The following GRIP1 variants were observed in gnomAD, a reference collection of about 807,000 sequenced individuals.
GRIP1 encodes glutamate receptor-interacting protein 1.
A neutral mutation model predicts 129.9 loss-of-function variants in GRIP1; 45 were observed. The ratio of observed to expected loss-of-function variants is 0.35; its 90% CI spans 0.27 to 0.44. The LOEUF (loss-of-function observed/expected upper bound fraction) is 0.44, where lower values mean the gene tolerates loss of function less well. Ranked by LOEUF, GRIP1 falls within the 20% of genes least tolerant of loss-of-function variation. GRIP1 has a pLI of 1.00. For missense variants in GRIP1, 1,196 were observed against 1,396.8 expected, an observed-to-expected ratio of 0.86 and a Z score of 2.29; for synonymous variants, 530 against 520.8, an observed-to-expected ratio of 1.02 and a Z score of -0.24.
chr12:66,444,825 A>T, intron 12 of GRIP1, 96 bp from the exon 13 acceptor site: 1 of 1,321,650 alleles, frequency 7.6e-7, no homozygotes, highest in Admixed American at 1.7e-5. Flanking sequence ...GCAAAATAGC[A>T]TCATAATTTG....
chr12:66,704,559 G>A (rs1428100915), intron 1 of GRIP1, among the ~76,000 whole-genome samples: 1 of 152,024 alleles, frequency 6.6e-6, no homozygotes, highest in Non-Finnish European at 1.5e-5. Flanking sequence ...ACAGAATTGT[G>A]AAACAGAACA....
Position 66,455,401 on chromosome 12 carries a change from TC to T in GRIP1, c.1354+7del, listed in dbSNP as rs773505238. On this transcript the variant is annotated splice_region_variant and intron_variant, in intron 11 of 24. Coordinates refer to ENST00000359742, the MANE Select transcript of GRIP1 (RefSeq NM_001366722.1). The stretch of plus-strand genomic sequence containing the variant: ...AGGCCAAATGCCATTGGCTGTCATT[TC>T]ACTTACATGAGCTTTTGAAGTCTTT... 1 of 1,613,966 alleles carries T rather than the reference TC, an allele frequency of 6.2e-7. No homozygotes were observed. Among genetic ancestry groups the T allele is most frequent in the Admixed American group, 1.7e-5 (1 of 60,038 alleles).
chr12:66,454,580 CTTTT>C (rs1295975619), intron 11 of GRIP1, among the ~76,000 whole-genome samples: 1 of 152,144 alleles, frequency 6.6e-6, no homozygotes, highest in African/African-American at 2.4e-5. Context: ...ATATTTCTTT[CTTTT>C]TAAGGCATTC....
At chr12:66,748,135 C>T (rs550942159) in intron 1 of GRIP1, among the ~76,000 whole-genome samples, 1 of 152,208 alleles carries the variant, frequency 6.6e-6, no homozygotes, top group Admixed American at 6.5e-5. Context: ...TCTCCTGCCT[C>T]AGCCTCCCAA....
intron 4 of GRIP1, among the ~76,000 whole-genome samples, chr12:66,534,140 T>C (rs2061542249): frequency 6.6e-6 from 1 of 152,216 alleles, no homozygotes; most frequent in Non-Finnish European, 1.5e-5. Flanking sequence ...TCAAATATAG[T>C]AGAAAGAGAC....
chr12:66,972,939 G>A (rs2137582234), intron 1 of GRIP1, among the ~76,000 whole-genome samples: 1 of 152,290 alleles, frequency 6.6e-6, no homozygotes, highest in South Asian at 2.1e-4. Flanking sequence ...AGGGTCCGGG[G>A]TGAAAAGAGA....
At chr12:66,777,360 T>A (rs1011759356) in intron 1 of GRIP1, among the ~76,000 whole-genome samples, 3 of 152,250 alleles carry the variant, frequency 2.0e-5, no homozygotes, top group Admixed American at 1.3e-4. Flanking sequence ...GATTCACCTG[T>A]AACTAACCCC....
chr12:66,818,687 G>A (rs1389673219), intron 1 of GRIP1, among the ~76,000 whole-genome samples: 2 of 152,244 alleles, frequency 1.3e-5, no homozygotes, highest in East Asian at 1.9e-4. Flanking sequence ...GCATTCATAG[G>A]TGAAATCTGC....
At chr12:66,480,537 T>A (rs936844967) in intron 7 of GRIP1, among the ~76,000 whole-genome samples, 3 of 152,218 alleles carry the variant, frequency 2.0e-5, no homozygotes, top group Admixed American at 2.0e-4. Flanking sequence ...CCACTGACTT[T>A]CTTCACAGAA....
At chr12:66,450,920 G>A (rs2058774566) in intron 11 of GRIP1, among the ~76,000 whole-genome samples, 1 of 152,196 alleles carries the variant, frequency 6.6e-6, no homozygotes, top group African/African-American at 2.4e-5. Context: ...CAAAGTAAAT[G>A]AAGGTGAATA....
At chr12:66,767,972 T>G (rs2037698868) in intron 1 of GRIP1, among the ~76,000 whole-genome samples, 1 of 152,208 alleles carries the variant, frequency 6.6e-6, no homozygotes, top group Non-Finnish European at 1.5e-5. Context: ...GCAATTCCTG[T>G]CAAATGTGTA....
At chr12:66,810,148 G>T (rs11176430) in intron 1 of GRIP1, among the ~76,000 whole-genome samples, 48,105 of 152,020 alleles carry the variant, frequency 0.32, 8,173 homozygotes, top group South Asian at 0.4. Flanking sequence ...TAGACAGGTA[G>T]ATATCAGAAT....
At chr12:66,435,201 C>CTT (rs757289466) in intron 13 of GRIP1, among the ~76,000 whole-genome samples, 5 of 78,326 alleles carry the variant, frequency 6.4e-5, no homozygotes, top group Non-Finnish European at 2.6e-5. Flanking sequence ...AACGTGTGAC[C>CTT]ATTTTTTTTT....
At chr12:67,034,229 T>A (rs912513116) in intron 1 of GRIP1, among the ~76,000 whole-genome samples, 3 of 152,146 alleles carry the variant, frequency 2.0e-5, no homozygotes, top group African/African-American at 7.2e-5. Flanking sequence ...AAAGGAAAAA[T>A]TCCCTTTACC....
chr12:66,735,146 C>T (rs1313499288), intron 1 of GRIP1, among the ~76,000 whole-genome samples: 1 of 152,044 alleles, frequency 6.6e-6, no homozygotes, highest in Admixed American at 6.6e-5. Context: ...AAAGTGGAGT[C>T]CCTGTTGTTC....
intron 1 of GRIP1, among the ~76,000 whole-genome samples, chr12:66,937,054 A>G (rs541183704): frequency 1.4e-4 from 22 of 151,874 alleles, no homozygotes; most frequent in Non-Finnish European, 2.5e-4. Flanking sequence ...TCTCTGGACG[A>G]TTTTTCTCTG....
At chr12:66,419,794 G>C (rs1416798743) in intron 15 of GRIP1, among the ~76,000 whole-genome samples, 1 of 152,178 alleles carries the variant, frequency 6.6e-6, no homozygotes, top group African/African-American at 2.4e-5. Context: ...CCTACTTTTT[G>C]AATGTTAAAG....
intron 1 of GRIP1, among the ~76,000 whole-genome samples, chr12:66,892,543 G>T (rs2040678308): frequency 6.6e-6 from 1 of 151,902 alleles, no homozygotes; most frequent in Non-Finnish European, 1.5e-5. Context: ...CTAAATGAGA[G>T]ACCTTTTCAG....
intron 1 of GRIP1, among the ~76,000 whole-genome samples, chr12:66,698,558 G>T (rs1005314331): frequency 1.3e-5 from 2 of 152,112 alleles, no homozygotes; most frequent in East Asian, 1.9e-4. Context: ...CCACCAACCC[G>T]CAAGTCTCCT....
Sources: gnomAD v4.1 joint callset for allele counts (sites outside exome capture counted in the v4.1 genomes callset) on GRCh38, gnomAD v4.1.1 for gene constraint, MANE v1.5 for transcripts, NCBI Gene and HGNC (gene_info 2026-07-23, HGNC 2026-07-21) for gene names.